Variants in LYRM4 observed in about 807,000 individuals in gnomAD.
The protein encoded by LYRM4 is LYR motif-containing protein 4.
In LYRM4, 9 loss-of-function variants were observed where a neutral mutation model predicts 11.7. That is an observed-to-expected ratio of 0.77 (90% CI 0.46 to 1.34). LYRM4 has a LOEUF of 1.34. LYRM4 is among the 40% of genes most tolerant of loss of function. The pLI is 0.00. For synonymous variants in LYRM4, 42 were observed against 40.4 expected (o/e 1.04, Z -0.15); for missense variants, 133 against 112.5 (o/e 1.18, Z -0.82).
chr6:5,105,759 A>G (rs1762644867), downstream of LYRM4: 1 of 152,754 alleles, frequency 6.5e-6, no homozygotes, highest in South Asian at 2.1e-4. Context: ...GGTTGTAGTG[A>G]GCTGAGATTA....
chr6:5,062,962 C>G, the LYRM4 span, among the ~76,000 whole-genome samples: 17 of 152,180 alleles, frequency 1.1e-4, no homozygotes, highest in Non-Finnish European at 2.5e-4. Context: ...GTGCCGCTGA[C>G]TATCCTGTGG....
the LYRM4 span, among the ~76,000 whole-genome samples, chr6:5,035,046 G>A: frequency 6.6e-6 from 1 of 151,982 alleles, no homozygotes; most frequent in Non-Finnish European, 1.5e-5. Flanking sequence ...TGTTCTACTA[G>A]GATGTTGATA....
chr6:5,136,603 T>A (rs1757114399), intron 2 of LYRM4: 4 of 985,104 alleles, frequency 4.1e-6, no homozygotes, highest in Non-Finnish European at 2.4e-6. Flanking sequence ...AGCTTTCAAT[T>A]AATGGCTTCT....
intron 2 of LYRM4, among the ~76,000 whole-genome samples, chr6:5,113,854 G>A (rs531472333): frequency 3.9e-5 from 6 of 152,020 alleles, no homozygotes; most frequent in African/African-American, 1.2e-4. Context: ...GGCATGTGCC[G>A]CCATGCCTGG....
At chr6:5,094,953 C>T in the LYRM4 span, among the ~76,000 whole-genome samples, 1 of 152,086 alleles carries the variant, frequency 6.6e-6, no homozygotes, top group East Asian at 1.9e-4. Context: ...CAGTAATTTA[C>T]TGTGTATTTA....
At chr6:5,256,443 T>C (rs1273982364) in intron 1 of LYRM4, among the ~76,000 whole-genome samples, 1 of 116,610 alleles carries the variant, frequency 8.6e-6, no homozygotes, top group Non-Finnish European at 1.6e-5. Flanking sequence ...TGAGCCAAGA[T>C]CGCACCATTG....
At chr6:5,241,057 T>C (rs981409063) in intron 1 of LYRM4, among the ~76,000 whole-genome samples, 1 of 152,248 alleles carries the variant, frequency 6.6e-6, no homozygotes, top group Non-Finnish European at 1.5e-5. Flanking sequence ...TTCTATTCTA[T>C]GAACTGCAGC....
chr6:5,226,262 CAT>C (rs1030346359), intron 1 of LYRM4, among the ~76,000 whole-genome samples: 3 of 152,134 alleles, frequency 2.0e-5, no homozygotes, highest in African/African-American at 4.8e-5. Flanking sequence ...TTCCTGAGAA[CAT>C]GTTCCTGAGG....
intron 1 of LYRM4, among the ~76,000 whole-genome samples, chr6:5,254,001 A>G (rs1026225746): frequency 2.0e-5 from 3 of 152,202 alleles, no homozygotes; most frequent in African/African-American, 7.2e-5. Context: ...CACTTCCCAA[A>G]GCCAAACTTG....
At chr6:5,040,357 A>ATACT in the LYRM4 span, among the ~76,000 whole-genome samples, 9 of 136,176 alleles carry the variant, frequency 6.6e-5, no homozygotes, top group Admixed American at 6.2e-4. Flanking sequence ...AGATAGATAC[A>ATACT]TACATACATA....
chr6:5,062,081 C>CTT, the LYRM4 span, among the ~76,000 whole-genome samples: 306 of 117,246 alleles, frequency 2.6e-3, 2 homozygotes, highest in Non-Finnish European at 3.9e-3. Flanking sequence ...CTTCCTTCTT[C>CTT]TTTTTTTTTT....
At chr6:5,119,147 A>T (rs1449120008) in intron 2 of LYRM4, among the ~76,000 whole-genome samples, 2 of 152,148 alleles carry the variant, frequency 1.3e-5, no homozygotes, top group Non-Finnish European at 1.5e-5. Flanking sequence ...GATATTCTTA[A>T]TGTGGAGGGA....
intron 2 of LYRM4, among the ~76,000 whole-genome samples, chr6:5,154,928 C>T (rs1407425554): frequency 6.6e-6 from 1 of 152,190 alleles, no homozygotes; most frequent in Admixed American, 6.5e-5. Flanking sequence ...TTCAGGTCTC[C>T]TCACCCCAGG....
intron 2 of LYRM4, among the ~76,000 whole-genome samples, chr6:5,211,013 T>C (rs986215587): frequency 6.6e-6 from 1 of 152,202 alleles, no homozygotes; most frequent in Non-Finnish European, 1.5e-5. Context: ...TTGACTTCCC[T>C]TTATTCCACT....
At chr6:5,243,954 C>T (rs1396604257) in intron 1 of LYRM4, among the ~76,000 whole-genome samples, 4 of 152,132 alleles carry the variant, frequency 2.6e-5, no homozygotes, top group Non-Finnish European at 5.9e-5. Flanking sequence ...GTAACTTTTC[C>T]TTACGTTCTT....
chr6:5,119,562 G>T lies in LYRM4; in HGVS notation c.208-10071C>A, dbSNP rs142582766. ...ACCACTTTGGGAGGCTGAGGCGGGCGGATCACTTGTGGCCAGGAGTTCAAC... is the reference window on the plus strand; with the variant it reads ...ACCACTTTGGGAGGCTGAGGCGGGCTGATCACTTGTGGCCAGGAGTTCAAC... On this transcript the variant is annotated intron_variant, in intron 2 of 2. Transcript: ENST00000330636. 1.3e-3 allele frequency among the ~76,000 whole-genome samples: 200 copies of T among 152,038 alleles called. 1 individual carries two copies. The highest frequency in any genetic ancestry group is 0.012 in the South Asian group (59 of 4,820).
At chr6:5,056,952 GA>G in the LYRM4 span, among the ~76,000 whole-genome samples, 2 of 152,308 alleles carry the variant, frequency 1.3e-5, no homozygotes, top group African/African-American at 2.4e-5. Context: ...ATTGGTAGTA[GA>G]AGTGACAAAA....
At chr6:5,232,282 C>T (rs1282934350) in intron 1 of LYRM4, among the ~76,000 whole-genome samples, 2 of 152,230 alleles carry the variant, frequency 1.3e-5, no homozygotes, top group Non-Finnish European at 2.9e-5. Flanking sequence ...CTATAACTTG[C>T]AATCACTCTG....
intron 1 of LYRM4, chr6:5,236,174 T>C (rs1244274699): frequency 6.6e-6 from 1 of 152,164 alleles, no homozygotes; most frequent in African/African-American, 2.4e-5. Context: ...TTATTAAAAA[T>C]GAGCATTAGG....
Sources: allele counts gnomAD v4.1 joint callset (sites outside exome capture counted in the v4.1 genomes callset), GRCh38; gene constraint gnomAD v4.1.1; transcripts MANE v1.5; gene names NCBI Gene and HGNC (gene_info 2026-07-23, HGNC 2026-07-21).